Variants in ADGRE3 observed in about 807,000 individuals in gnomAD.
The protein encoded by ADGRE3 is EGF-like module receptor 3.
In ADGRE3, 88 loss-of-function variants were observed where a neutral mutation model predicts 80.1. The observed-to-expected ratio is 1.10, with a 90% confidence interval of 0.93 to 1.31. The LOEUF (loss-of-function observed/expected upper bound fraction) is 1.31. Ranked by LOEUF, ADGRE3 falls within the 40% of genes most tolerant of loss-of-function variation. The pLI is 0.00. For synonymous variants in ADGRE3, 281 were observed against 294.8 expected (o/e 0.95, Z 0.48); for missense variants, 715 against 776.5 (o/e 0.92, Z 0.94).
intron 2 of ADGRE3, among the ~76,000 whole-genome samples, chr19:14,667,606 C>T (rs35739744): frequency 0.015 from 2,346 of 152,086 alleles, 28 homozygotes; most frequent in Non-Finnish European, 0.023. Flanking sequence ...AACCAAACAC[C>T]GCATGTTCTC....
Position 14,636,163 on chromosome 19 carries a change from T to C in ADGRE3, c.1484+1942A>G, listed in dbSNP as rs1568481501. ...CTTTCTTTCTTTCTTCCTTTCCTCC[T>C]TTCCTTTCCTTTCCTTCCTCTTTCT... On this transcript the variant is annotated intron_variant, in intron 11 of 15. Coordinates refer to ENST00000253673, the MANE Select transcript of ADGRE3 (RefSeq NM_032571.5). 6.5e-4 allele frequency among the ~76,000 whole-genome samples: 52 copies of C among 80,070 alleles called. 2 individuals are homozygous for C. Among genetic ancestry groups the C allele is most frequent in the East Asian group, 1.4e-3 (4 of 2,884 alleles). The allele number at this position is 80,070 out of a possible 152,430, so 52.5% of individuals were successfully genotyped here. A position where few individuals can be genotyped will look rare whatever the true frequency, so the allele number is the denominator to read the frequency against.
intron 13 of ADGRE3, among the ~76,000 whole-genome samples, chr19:14,630,957 C>T (rs886204688): frequency 6.6e-6 from 1 of 151,842 alleles, no homozygotes; most frequent in Non-Finnish European, 1.5e-5. Context: ...GTGGTGTGAT[C>T]TCAGCTCATG....
At chr19:14,602,814 C>A in the ADGRE3 span, among the ~76,000 whole-genome samples, 48 of 152,084 alleles carry the variant, frequency 3.2e-4, no homozygotes, top group African/African-American at 9.9e-4. Flanking sequence ...TGGCTCACTG[C>A]AACCTCTGCC....
At chr19:14,661,548 T>C (rs6511954) in intron 4 of ADGRE3, among the ~76,000 whole-genome samples, 46,960 of 152,114 alleles carry the variant, frequency 0.31, 7,382 homozygotes, top group Middle Eastern at 0.43. Flanking sequence ...CTCCAAACTA[T>C]AGTTCCCTTT....
At chr19:14,657,710 T>C (rs556410502) in intron 5 of ADGRE3, among the ~76,000 whole-genome samples, 3 of 151,480 alleles carry the variant, frequency 2.0e-5, no homozygotes, top group Admixed American at 6.6e-5. Context: ...TTTGTGAGTT[T>C]TGCATCCTGC....
intron 1 of ADGRE3, among the ~76,000 whole-genome samples, chr19:14,673,207 T>C (rs891928364): frequency 5.9e-5 from 9 of 152,264 alleles, no homozygotes; most frequent in Admixed American, 5.9e-4. Context: ...GCCTATCAGC[T>C]GCCTCTGCAG....
At position 14,639,084 on chromosome 19, in the gene ADGRE3, G is replaced by A. The variant is rs549905032; in HGVS notation, c.1249-744C>T. Among the ~76,000 whole-genome samples the A allele has an allele frequency of 8.6e-5, 13 of 151,986 alleles. No individual in the cohort carries two copies. The South Asian group carries it at 2.5e-3, about 29-fold the overall frequency. ...ATCCACTAATTTTTGCAGAGACGGG[G>A]TCTCACTGTGTTGCCCAGGCCAGTC... On this transcript the variant is annotated intron_variant, in intron 10 of 15. Transcript: ENST00000253673.
chr19:14,627,256 G>T (rs1230614533), intron 14 of ADGRE3, among the ~76,000 whole-genome samples: 2 of 151,988 alleles, frequency 1.3e-5, no homozygotes, highest in Non-Finnish European at 2.9e-5. Context: ...AATTGCTCCT[G>T]GTAAGAACCA....
intron 2 of ADGRE3, among the ~76,000 whole-genome samples, chr19:14,664,249 C>A (rs562980632): frequency 6.6e-6 from 1 of 152,072 alleles, no homozygotes; most frequent in African/African-American, 2.4e-5. Flanking sequence ...ACCAGCCTGA[C>A]CAACATGGTG....
intron 5 of ADGRE3, among the ~76,000 whole-genome samples, chr19:14,655,966 CCA>C (rs1174540585): frequency 6.6e-6 from 1 of 151,838 alleles, no homozygotes; most frequent in Admixed American, 6.6e-5. Context: ...GGGTAAATAC[CCA>C]GAGTTTGTCA....
Position 14,665,941 on chromosome 19 carries a change from T to TATATGCATAC in ADGRE3, c.77-2402_77-2401insGTATGCATAT, listed in dbSNP as rs1261266823. 9.1e-3 allele frequency among the ~76,000 whole-genome samples: 862 copies of TATATGCATAC among 94,214 alleles called. 153 individuals carry two copies. Among genetic ancestry groups the TATATGCATAC allele is most frequent in the African/African-American group, 0.018 (430 of 23,602 alleles). 61.8% of individuals were successfully genotyped at this position (94,214 alleles called of 152,430 possible). ...TTGCATATACACACATATGTGTATATATATATATATATATATATATATATA... is the reference window on the plus strand; with the variant it reads ...TTGCATATACACACATATGTGTATATATATGCATACATATATATATATATATATATATATA... On this transcript the variant is annotated intron_variant, in intron 2 of 15. Coordinates refer to ENST00000253673, the MANE Select transcript of ADGRE3 (RefSeq NM_032571.5).
At chr19:14,607,729 G>T in the ADGRE3 span, among the ~76,000 whole-genome samples, 1 of 151,286 alleles carries the variant, frequency 6.6e-6, no homozygotes, top group Non-Finnish European at 1.5e-5. Context: ...GACACCCGCC[G>T]TCGTGCCTGG....
intron 15 of ADGRE3, among the ~76,000 whole-genome samples, chr19:14,625,108 T>A (rs1193161833): frequency 4.6e-5 from 7 of 152,304 alleles, no homozygotes; most frequent in African/African-American, 1.7e-4. Context: ...GCCTCCCCAG[T>A]AGCTGGGACT....
the ADGRE3 span, among the ~76,000 whole-genome samples, chr19:14,601,959 A>AT: frequency 6.6e-6 from 1 of 151,628 alleles, no homozygotes; most frequent in Non-Finnish European, 1.5e-5. Flanking sequence ...CACCCAGCTA[A>AT]TTTTTTGTAT....
intron 13 of ADGRE3, among the ~76,000 whole-genome samples, chr19:14,632,440 GACT>G (rs1337453240): frequency 1.3e-5 from 2 of 152,156 alleles, no homozygotes; most frequent in African/African-American, 4.8e-5. Flanking sequence ...TCAAGGTAGA[GACT>G]ACATTTCCCA....
At chr19:14,661,866 C>T (rs1971953095) in intron 4 of ADGRE3, 97 bp downstream of exon 4, 1 of 1,364,790 alleles carries the variant, frequency 7.3e-7, no homozygotes, top group African/African-American at 1.4e-5. Context: ...GCCTGGGCTA[C>T]AGAGCGAGAC....
chr19:14,620,596 T>TTTTA (rs1709492946), intron 15 of ADGRE3, among the ~76,000 whole-genome samples: 1 of 75,636 alleles, frequency 1.3e-5, no homozygotes. Context: ...TTTTTTTTTT[T>TTTTA]TGAGACAGGG....
At chr19:14,671,887 A>G (rs1486307358) in intron 1 of ADGRE3, among the ~76,000 whole-genome samples, 2 of 152,068 alleles carry the variant, frequency 1.3e-5, no homozygotes, top group South Asian at 2.1e-4. Flanking sequence ...CCTGGGCTAC[A>G]TGCATGAGAT....
chr19:14,653,309 C>G (rs930263576), intron 6 of ADGRE3, among the ~76,000 whole-genome samples: 1 of 151,900 alleles, frequency 6.6e-6, no homozygotes, highest in Non-Finnish European at 1.5e-5. Context: ...ATTATATTAT[C>G]GCTTGTTACT....
Sources: allele counts gnomAD v4.1 joint callset (sites outside exome capture counted in the v4.1 genomes callset), GRCh38; gene constraint gnomAD v4.1.1; transcripts MANE v1.5; gene names NCBI Gene and HGNC (gene_info 2026-07-23, HGNC 2026-07-21).